PLEKHA7: variants seen among roughly 807,000 people sequenced by gnomAD.
The protein encoded by PLEKHA7 is pleckstrin homology domain containing A7.
PLEKHA7 carries 104 observed loss-of-function variants against 170.0 expected under a neutral mutation model. That is an observed-to-expected ratio of 0.61 (90% CI 0.52 to 0.72). The LOEUF is 0.72. PLEKHA7 is among the 30% of genes least tolerant of loss of function. The pLI, the probability that PLEKHA7 is intolerant of heterozygous loss-of-function variation, is 0.00. For synonymous variants in PLEKHA7, 648 were observed against 660.8 expected (o/e 0.98, Z 0.30); for missense variants, 1,615 against 1,671.7 (o/e 0.97, Z 0.59).
chr11:16,894,818 G>A (rs1434254426), intron 3 of PLEKHA7, among the ~76,000 whole-genome samples: 1 of 151,990 alleles, frequency 6.6e-6, no homozygotes, highest in East Asian at 1.9e-4. Context: ...AACCACACAA[G>A]GTAAAAGAGA....
intron 3 of PLEKHA7, among the ~76,000 whole-genome samples, chr11:17,004,580 A>G (rs1484709343): frequency 4.0e-5 from 6 of 151,892 alleles, no homozygotes; most frequent in Non-Finnish European, 8.8e-5. Flanking sequence ...TTTAGTAGAG[A>G]TGAGGTTTCA....
chr11:16,787,037 T>C (rs1193870121), intron 23 of PLEKHA7: 1 of 985,204 alleles, frequency 1.0e-6, no homozygotes, highest in Non-Finnish European at 1.2e-6. Context: ...AAATGCTAAA[T>C]CAAATGGAAT....
chr11:16,959,854 G>A (rs1861935989), intron 3 of PLEKHA7, among the ~76,000 whole-genome samples: 2 of 152,168 alleles, frequency 1.3e-5, no homozygotes, highest in Non-Finnish European at 2.9e-5. Context: ...CAGCAGCCCT[G>A]GAGGACTGTA....
intron 3 of PLEKHA7, among the ~76,000 whole-genome samples, chr11:16,947,924 A>AAGAAAAAAG (rs1554980290): frequency 3.7e-5 from 5 of 135,146 alleles, no homozygotes; most frequent in African/African-American, 1.3e-4. Context: ...TCAAAAAAAA[A>AAGAAAAAAG]AAAAAAAAGA....
chr11:16,834,021 TG>T (rs1279932503), intron 9 of PLEKHA7, among the ~76,000 whole-genome samples: 4 of 152,076 alleles, frequency 2.6e-5, no homozygotes, highest in Non-Finnish European at 5.9e-5. Context: ...TGTTTTGTTT[TG>T]TTTTTCGAGA....
intron 3 of PLEKHA7, among the ~76,000 whole-genome samples, chr11:16,945,808 G>A (rs1477260217): frequency 1.3e-5 from 2 of 152,334 alleles, no homozygotes; most frequent in South Asian, 2.1e-4. Context: ...CAGTTTCAAA[G>A]GCATCAGGGA....
At chr11:17,007,274 T>C (rs1348595692) in intron 3 of PLEKHA7, among the ~76,000 whole-genome samples, 2 of 152,204 alleles carry the variant, frequency 1.3e-5, no homozygotes, top group Non-Finnish European at 2.9e-5. Flanking sequence ...AAATTTATGC[T>C]AATAATTTAA....
chr11:16,843,252 C>T (rs1375872122), intron 8 of PLEKHA7, among the ~76,000 whole-genome samples: 6 of 152,212 alleles, frequency 3.9e-5, no homozygotes, highest in Admixed American at 6.5e-5. Context: ...TGGTTCAATA[C>T]TCTGAATCCA....
At chr11:16,779,769 C>T (rs1848886161) in intron 26 of PLEKHA7, among the ~76,000 whole-genome samples, 1 of 152,234 alleles carries the variant, frequency 6.6e-6, no homozygotes, top group Non-Finnish European at 1.5e-5. Flanking sequence ...TCGCTCCCTG[C>T]AGCACAAATA....
rs1849224869 is a variant in PLEKHA7 at position 16,783,850 on chromosome 11, A to G, written c.3517-17T>C. Reference sequence around the variant, plus strand: ...TTTGGACAGCTGGGGAGAGGCCAGGAGGTGGCAGAGGGAGAGGCTCAGATG... The same window carrying G: ...TTTGGACAGCTGGGGAGAGGCCAGGGGGTGGCAGAGGGAGAGGCTCAGATG... On this transcript the variant is annotated splice_polypyrimidine_tract_variant and intron_variant, in intron 24 of 26. Transcript: ENST00000531066. 1.4e-6 allele frequency: 2 copies of G among 1,434,906 alleles called. No homozygotes were observed. Among genetic ancestry groups the G allele is most frequent in the Admixed American group, 2.7e-5 (1 of 37,180 alleles). The allele number at this position is 1,434,906 out of a possible 1,614,324, so 88.9% of individuals were successfully genotyped here. A position where few individuals can be genotyped will look rare whatever the true frequency, so the allele number is the denominator to read the frequency against.
Position 16,789,073 on chromosome 11 carries a change from C to G in PLEKHA7, c.3357+23G>C, listed in dbSNP as rs114270875. The G allele has an allele frequency of 6.9e-6, 11 of 1,595,412 alleles. No homozygotes were observed. The highest frequency in any genetic ancestry group is 4.0e-4 in the Middle Eastern group (2 of 5,012). The stretch of plus-strand genomic sequence containing the variant: ...CACTCGGCTCCCTGTCCCTGCCCCG[C>G]TGCCTGGCCCCTCCTAACATACTGA... On this transcript the variant is annotated intron_variant, in intron 23 of 26. Coordinates refer to ENST00000531066, the MANE Select transcript of PLEKHA7 (RefSeq NM_001329630.2). The surrounding 1 kb of genome is among the most constrained non-coding windows in gnomAD (Gnocchi z 4.6).
At chr11:16,892,440 T>TGTGTGTGTGTGTGTG (rs749414406) in intron 3 of PLEKHA7, among the ~76,000 whole-genome samples, 121 of 102,450 alleles carry the variant, frequency 1.2e-3, no homozygotes, top group East Asian at 4.3e-3. Context: ...GTGTGTTTTG[T>TGTGTGTGTGTGTGTG]TTTGTTTTGT....
intron 3 of PLEKHA7, among the ~76,000 whole-genome samples, chr11:16,878,314 C>A (rs1216598600): frequency 6.6e-6 from 1 of 152,212 alleles, no homozygotes; most frequent in East Asian, 1.9e-4. Context: ...ATTCTCCTCA[C>A]TGGATGCCTC....
intron 3 of PLEKHA7, among the ~76,000 whole-genome samples, chr11:16,945,770 T>G (rs1317567617): frequency 2.0e-5 from 3 of 152,188 alleles, no homozygotes. Context: ...GTCCCAATGC[T>G]GGGAGGCAGT....
chr11:16,925,685 C>T (rs1199298993), intron 3 of PLEKHA7, among the ~76,000 whole-genome samples: 1 of 152,198 alleles, frequency 6.6e-6, no homozygotes, highest in Non-Finnish European at 1.5e-5. Flanking sequence ...CTCAGCTCGC[C>T]CGCGGCGCAT....
intron 3 of PLEKHA7, among the ~76,000 whole-genome samples, chr11:16,907,149 C>CG (rs1428004206): frequency 2.1e-5 from 2 of 95,288 alleles, no homozygotes; most frequent in Non-Finnish European, 4.4e-5. Flanking sequence ...CCGCCCCGTC[C>CG]GGAAGGGAGG....
chr11:16,781,372 T>C (rs531499613), intron 26 of PLEKHA7, among the ~76,000 whole-genome samples: 2 of 152,230 alleles, frequency 1.3e-5, no homozygotes, highest in Admixed American at 1.3e-4. Flanking sequence ...GCTCATCTGC[T>C]GGCAATAAGG....
chr11:16,826,412 G>T lies in PLEKHA7; in HGVS notation c.1051C>A (p.Pro351Thr). The change falls in exon 10 of 27, where the codon CCA becomes ACA. Residue 351 changes from proline (P) to threonine (T), a missense_variant. Pro to Thr is a conservative substitution (Grantham distance 38). Coordinates refer to ENST00000531066, the MANE Select transcript of PLEKHA7 (RefSeq NM_001329630.2). ...EGEQYRSQRDPLEGKRDRSKA... is the reference protein window; with the variant it reads ...EGEQYRSQRDTLEGKRDRSKA... ...CTCCGGTCCCGCTTGCCCTCCAGTG[G>T]GTCCCTCTGGGAACGGTACTGCTCT... 6.2e-7 allele frequency: 1 copy of T among 1,614,204 alleles called. No individual in the cohort carries two copies. The highest frequency in any genetic ancestry group is 8.5e-7 in the Non-Finnish European group (1 of 1,180,032).
At chr11:16,863,249 G>C (rs1457905750) in intron 4 of PLEKHA7, among the ~76,000 whole-genome samples, 1 of 152,132 alleles carries the variant, frequency 6.6e-6, no homozygotes, top group Non-Finnish European at 1.5e-5. Context: ...CTTACCTTTG[G>C]AAAGACAGTA....
Sources: gnomAD v4.1 joint callset for allele counts (sites outside exome capture counted in the v4.1 genomes callset) on GRCh38, gnomAD v4.1.1 for gene constraint, Gnocchi (gnomAD v3.1) non-coding constraint, MANE v1.5 for transcripts, NCBI Gene and HGNC (gene_info 2026-07-23, HGNC 2026-07-21) for gene names.